Variants in SGCZ observed in about 807,000 individuals in gnomAD.
SGCZ encodes the protein sarcoglycan zeta.
SGCZ carries 40 observed loss-of-function variants against 41.3 expected under a neutral mutation model. That is an observed-to-expected ratio of 0.97 (90% CI 0.75 to 1.26). The LOEUF (loss-of-function observed/expected upper bound fraction) is 1.26. Among genes scored for constraint, SGCZ ranks in the 50% most tolerant of loss-of-function variants. The pLI is 0.00. For missense variants in SGCZ, 552 were observed against 369.8 expected (o/e 1.49, Z -4.04); for synonymous variants, 206 against 137.5 (o/e 1.50, Z -3.49).
rs138413435 is a variant in SGCZ at position 14,914,065 on chromosome 8, C to G, written c.39+323520G>C. On this transcript the variant is annotated intron_variant, in intron 1 of 7. Transcript: ENST00000382080. Reference sequence around the variant, plus strand: ...ACAAATACATATGTATATAGATGATCTATATTACATCCTTTTTTAAAAGGT... The same window carrying G: ...ACAAATACATATGTATATAGATGATGTATATTACATCCTTTTTTAAAAGGT... 4.8e-3 allele frequency among the ~76,000 whole-genome samples: 737 copies of G among 151,970 alleles called. 6 individuals are homozygous for G. The highest frequency in any genetic ancestry group is 0.016 in the African/African-American group (675 of 41,460).
At chr8:15,172,037 T>A in intron 1 of SGCZ, among the ~76,000 whole-genome samples, 1 of 151,968 alleles carries the variant, frequency 6.6e-6, no homozygotes, top group Non-Finnish European at 1.5e-5. Context: ...CAGAGATTTC[T>A]ATGTGAAAAA....
At chr8:14,240,662 T>A (rs1235325359) in intron 3 of SGCZ, among the ~76,000 whole-genome samples, 1 of 152,226 alleles carries the variant, frequency 6.6e-6, no homozygotes, top group African/African-American at 2.4e-5. Flanking sequence ...TTATTTATTA[T>A]AATGTGATCA....
chr8:15,176,444 G>T (rs900462803), intron 1 of SGCZ, among the ~76,000 whole-genome samples: 7 of 152,202 alleles, frequency 4.6e-5, no homozygotes, highest in Admixed American at 1.3e-4. Flanking sequence ...AGGTTTTAAA[G>T]ACTTTCTATG....
Position 14,102,365 on chromosome 8 carries a change from C to T in SGCZ, c.744+11G>A. 6.8e-7 allele frequency: 1 copy of T among 1,471,216 alleles called. No homozygotes were observed. Among genetic ancestry groups the T allele is most frequent in the Non-Finnish European group, 9.1e-7 (1 of 1,094,852 alleles). 91.1% of individuals were successfully genotyped at this position (1,471,216 alleles called of 1,614,324 possible). A position where few individuals can be genotyped will look rare whatever the true frequency, so the allele number is the denominator to read the frequency against. ...CAGTATAGGGCGAGGGTCCAACTTTCTGGGACTCACCTCCCCTTCTGTAGA... is the reference window on the plus strand; with the variant it reads ...CAGTATAGGGCGAGGGTCCAACTTTTTGGGACTCACCTCCCCTTCTGTAGA... On this transcript the variant is annotated intron_variant, in intron 7 of 7. Transcript: ENST00000382080.
At chr8:14,362,878 T>C (rs566796421) in intron 2 of SGCZ, among the ~76,000 whole-genome samples, 29 of 152,236 alleles carry the variant, frequency 1.9e-4, no homozygotes, top group Non-Finnish European at 3.2e-4. Flanking sequence ...TACATATATA[T>C]GCAAATATAG....
chr8:14,262,836 GCA>G (rs1799721378), intron 3 of SGCZ, among the ~76,000 whole-genome samples: 1 of 145,746 alleles, frequency 6.9e-6, no homozygotes, highest in African/African-American at 2.5e-5. Flanking sequence ...AAAAAAAACA[GCA>G]CAGAGCTTCT....
chr8:14,614,998 ATGTG>A (rs34548828), intron 1 of SGCZ, among the ~76,000 whole-genome samples: 11 of 147,426 alleles, frequency 7.5e-5, no homozygotes, highest in East Asian at 2.0e-4. Context: ...GTGTGTATAT[ATGTG>A]TGTGTGTGTG....
At chr8:14,511,229 AGG>A (rs1491154495) in intron 2 of SGCZ, among the ~76,000 whole-genome samples, 5 of 622 alleles carry the variant, frequency 8.0e-3, no homozygotes, top group African/African-American at 0.014. Flanking sequence ...CAGTCCCTGT[AGG>A]GAAAGCCTGT....
intron 2 of SGCZ, among the ~76,000 whole-genome samples, chr8:14,435,651 G>A (rs1260151042): frequency 2.0e-5 from 3 of 152,158 alleles, no homozygotes; most frequent in African/African-American, 7.2e-5. Flanking sequence ...TATTCTTTAT[G>A]ATACTAAACA....
chr8:14,464,172 A>T (rs1207580544), intron 2 of SGCZ, among the ~76,000 whole-genome samples: 1 of 151,608 alleles, frequency 6.6e-6, no homozygotes, highest in East Asian at 1.9e-4. Context: ...GACATTTGTT[A>T]AAGTTTGAGA....
chr8:14,835,492 G>T (rs1466609484), intron 1 of SGCZ, among the ~76,000 whole-genome samples: 1 of 152,114 alleles, frequency 6.6e-6, no homozygotes, highest in African/African-American at 2.4e-5. Context: ...GACTGTGTCT[G>T]CAGGATACTG....
intron 2 of SGCZ, among the ~76,000 whole-genome samples, chr8:14,504,495 T>G (rs914619072): frequency 1.3e-5 from 2 of 152,202 alleles, no homozygotes; most frequent in African/African-American, 4.8e-5. Context: ...GGTTTCTTGA[T>G]TTATTTATTT....
At chr8:14,348,230 C>T (rs1168742402) in intron 2 of SGCZ, among the ~76,000 whole-genome samples, 1 of 152,102 alleles carries the variant, frequency 6.6e-6, no homozygotes. Flanking sequence ...GCATGTTTCC[C>T]ATACCAAGAT....
At chr8:14,699,541 C>G (rs1197756874) in intron 1 of SGCZ, among the ~76,000 whole-genome samples, 1 of 151,920 alleles carries the variant, frequency 6.6e-6, no homozygotes, top group Non-Finnish European at 1.5e-5. Flanking sequence ...AAATACCATT[C>G]TGGACATCGA....
intron 1 of SGCZ, among the ~76,000 whole-genome samples, chr8:14,807,371 C>T (rs1437747995): frequency 6.6e-6 from 1 of 152,136 alleles, no homozygotes; most frequent in Non-Finnish European, 1.5e-5. Flanking sequence ...TGATAAGCAA[C>T]TTCAGCAAAG....
At chr8:14,738,184 T>C (rs963802370) in intron 1 of SGCZ, among the ~76,000 whole-genome samples, 1 of 151,982 alleles carries the variant, frequency 6.6e-6, no homozygotes, top group African/African-American at 2.4e-5. Flanking sequence ...ACAAAAAATC[T>C]CTGTTTTCAA....
At chr8:15,020,185 CA>C (rs1803198028) in intron 1 of SGCZ, among the ~76,000 whole-genome samples, 1 of 152,102 alleles carries the variant, frequency 6.6e-6, no homozygotes, top group Non-Finnish European at 1.5e-5. Context: ...CATGCTACCC[CA>C]AAAGGCTTTC....
At chr8:14,976,799 G>A (rs1801493269) in intron 1 of SGCZ, among the ~76,000 whole-genome samples, 1 of 152,172 alleles carries the variant, frequency 6.6e-6, no homozygotes, top group Non-Finnish European at 1.5e-5. Context: ...TACAGAACAT[G>A]TGTACTGCTT....
Position 14,561,043 on chromosome 8 carries a change from C to CT in SGCZ, c.40-6118dup, listed in dbSNP as rs549489007. ...GGTTAGACTTTTCTTTTAAAAGTTC[C>CT]TTTTTTTGTTGTTAAATCTGAGTGT... On this transcript the variant is annotated intron_variant, in intron 1 of 7. Coordinates refer to ENST00000382080, the MANE Select transcript of SGCZ (RefSeq NM_139167.4). Among the ~76,000 whole-genome samples, 318 of 151,984 alleles carry CT rather than the reference C, an allele frequency of 2.1e-3. 1 individual carries two copies. The highest frequency in any genetic ancestry group is 5.3e-3 in the African/African-American group (218 of 41,502).
Sources: gnomAD v4.1 joint callset for allele counts (sites outside exome capture counted in the v4.1 genomes callset) on GRCh38, gnomAD v4.1.1 for gene constraint, MANE v1.5 for transcripts, NCBI Gene and HGNC (gene_info 2026-07-23, HGNC 2026-07-21) for gene names.